RBM27: variants seen among roughly 807,000 people sequenced by gnomAD.
RBM27 encodes the protein RNA binding motif protein 27.
Under a neutral mutation model 135.3 loss-of-function variants are expected in RBM27, and 22 were observed. The ratio of observed to expected loss-of-function variants is 0.16; its 90% CI spans 0.12 to 0.23. RBM27 has a LOEUF of 0.23. RBM27 is among the 10% of genes least tolerant of loss of function. RBM27 has a pLI of 1.00. For missense variants in RBM27, 1,009 were observed against 1,281.0 expected (o/e 0.79, Z 3.24); for synonymous variants, 481 against 442.4 (o/e 1.09, Z -1.10).
chr5:146,258,039 G>A (rs1426331366), intron 10 of RBM27, among the ~76,000 whole-genome samples: 3 of 151,924 alleles, frequency 2.0e-5, no homozygotes, highest in East Asian at 1.9e-4. Context: ...GGCTGGTCTC[G>A]AACTCCCGAC....
intron 1 of RBM27, among the ~76,000 whole-genome samples, chr5:146,211,592 C>G (rs1203252707): frequency 6.7e-6 from 1 of 148,194 alleles, no homozygotes; most frequent in Non-Finnish European, 1.5e-5. Context: ...AGCTATTATC[C>G]TGCCTCAGCC....
chr5:146,215,618 T>G (rs1031689882), intron 1 of RBM27, among the ~76,000 whole-genome samples: 1 of 152,200 alleles, frequency 6.6e-6, no homozygotes, highest in Non-Finnish European at 1.5e-5. Flanking sequence ...TTTTTTCCCC[T>G]TCTCTCCTCC....
At chr5:146,257,907 C>T (rs1463957926) in intron 10 of RBM27, among the ~76,000 whole-genome samples, 2 of 152,002 alleles carry the variant, frequency 1.3e-5, no homozygotes, top group African/African-American at 4.8e-5. Flanking sequence ...ACCTCCGTCT[C>T]CTGGGTTCAA....
chr5:146,251,579 C>T, intron 8 of RBM27, 132 bp from the exon 9 acceptor site: 1 of 809,436 alleles, frequency 1.2e-6, no homozygotes, highest in Non-Finnish European at 1.9e-6. Context: ...ATCCCAGGAA[C>T]ATCTTTCTGT....
At chr5:146,278,128 A>T (rs547511687) in intron 19 of RBM27, among the ~76,000 whole-genome samples, 13 of 152,254 alleles carry the variant, frequency 8.5e-5, no homozygotes, top group African/African-American at 3.1e-4. Flanking sequence ...TCATTCCCTC[A>T]TATAGCACTT....
chr5:146,240,065 C>G (rs1157134923), intron 8 of RBM27, among the ~76,000 whole-genome samples: 1 of 152,148 alleles, frequency 6.6e-6, no homozygotes, highest in African/African-American at 2.4e-5. Context: ...GCGTGAGCCA[C>G]TGTTCCTGGC....
chr5:146,242,393 G>T (rs1757442132), intron 8 of RBM27, among the ~76,000 whole-genome samples: 1 of 152,180 alleles, frequency 6.6e-6, no homozygotes, highest in Admixed American at 6.5e-5. Flanking sequence ...GATTTGATTG[G>T]TTGGCAACTG....
At chr5:146,283,567 A>G (rs1368323707) in intron 19 of RBM27, among the ~76,000 whole-genome samples, 2 of 152,176 alleles carry the variant, frequency 1.3e-5, no homozygotes, top group South Asian at 2.1e-4. Context: ...ACATATCTAT[A>G]TTTGGTAGGG....
At chr5:146,262,535 A>G (rs1289688256) in intron 13 of RBM27, among the ~76,000 whole-genome samples, 1 of 152,256 alleles carries the variant, frequency 6.6e-6, no homozygotes, top group East Asian at 1.9e-4. Flanking sequence ...AGAGCCATTC[A>G]GAGATTGACC....
intron 20 of RBM27, among the ~76,000 whole-genome samples, 199 bp downstream of exon 20, chr5:146,284,931 A>T (rs1275337113): frequency 6.6e-6 from 1 of 152,156 alleles, no homozygotes; most frequent in Non-Finnish European, 1.5e-5. Context: ...TTTTCTTCTG[A>T]TATAGGAAAG....
chr5:146,252,865 T>A (rs1173712989), intron 9 of RBM27, among the ~76,000 whole-genome samples: 1 of 152,156 alleles, frequency 6.6e-6, no homozygotes, highest in Non-Finnish European at 1.5e-5. Context: ...GACAAAAAAT[T>A]TATAAAGAGA....
In RBM27 at chr5:146,267,702, G is replaced by A; in HGVS notation, c.2385G>A (p.Lys795=). ...PKMIYSSSNL[K]TPSKLCSGSK... ...TGATTTACAGCTCCTCAAACTTAAA[G>A]ACACCTTCAAAGCTCTGTTCAGGGT... Residue 795 remains lysine, a synonymous_variant, in exon 15 of 21, where the codon AAG becomes AAA. Coordinates refer to ENST00000265271, the MANE Select transcript of RBM27 (RefSeq NM_018989.2). The A allele has an allele frequency of 6.2e-7, 1 of 1,603,570 alleles. No homozygotes were observed. Among genetic ancestry groups the A allele is most frequent in the Non-Finnish European group, 8.5e-7 (1 of 1,174,486 alleles).
chr5:146,230,012 A>C, intron 5 of RBM27, 102 bp downstream of exon 5: 1 of 1,354,494 alleles, frequency 7.4e-7, no homozygotes, highest in Non-Finnish European at 1.0e-6. Flanking sequence ...AATATGTCTG[A>C]GCAGTGTAAA....
chr5:146,267,884 A>T lies in RBM27; in HGVS notation c.2451+116A>T, dbSNP rs1758685392. On this transcript the variant is annotated intron_variant, in intron 15 of 20. Coordinates refer to ENST00000265271, the MANE Select transcript of RBM27 (RefSeq NM_018989.2). Reference sequence around the variant, plus strand: ...GGCAGGGCATAACATCATAATGCTTATTTAGCTTCTTCTCTAATGTAAACT... The same window carrying T: ...GGCAGGGCATAACATCATAATGCTTTTTTAGCTTCTTCTCTAATGTAAACT... 6 of 1,028,170 alleles carry T rather than the reference A, an allele frequency of 5.8e-6. No individual in the cohort carries two copies. The South Asian group carries it at 9.8e-5, about 17-fold the overall frequency. The allele number at this position is 1,028,170 out of a possible 1,614,324, so 63.7% of individuals were successfully genotyped here. A position where few individuals can be genotyped will look rare whatever the true frequency, so the allele number is the denominator to read the frequency against.
chr5:146,217,633 T>G (rs1756271170), intron 1 of RBM27, among the ~76,000 whole-genome samples: 1 of 151,858 alleles, frequency 6.6e-6, no homozygotes, highest in African/African-American at 2.4e-5. Context: ...TTCTGGCTGC[T>G]AGTGAAGGCC....
chr5:146,257,116 A>G (rs1385284108), intron 10 of RBM27, among the ~76,000 whole-genome samples: 1 of 152,234 alleles, frequency 6.6e-6, no homozygotes, highest in African/African-American at 2.4e-5. Flanking sequence ...GCTGTAAAAT[A>G]GCTAAACGTT....
chr5:146,256,423 C>A (rs1758105946), intron 10 of RBM27, among the ~76,000 whole-genome samples: 1 of 150,740 alleles, frequency 6.6e-6, no homozygotes, highest in African/African-American at 2.4e-5. Context: ...GATCTCGGCT[C>A]ACTGCAACCT....
At chr5:146,258,735 G>A (rs1431818725) in intron 11 of RBM27, 142 bp downstream of exon 11, 1 of 671,426 alleles carries the variant, frequency 1.5e-6, no homozygotes, top group African/African-American at 1.9e-5. Context: ...TCTTTAGAAT[G>A]TTGTAAAAAT....
At chr5:146,218,131 A>G (rs1435826954) in intron 1 of RBM27, among the ~76,000 whole-genome samples, 2 of 148,786 alleles carry the variant, frequency 1.3e-5, no homozygotes, top group Admixed American at 7.0e-5. Context: ...CAGGAAGCCT[A>G]GAATATTTTA....
Sources: gnomAD v4.1 joint callset for allele counts (sites outside exome capture counted in the v4.1 genomes callset) on GRCh38, gnomAD v4.1.1 for gene constraint, MANE v1.5 for transcripts, NCBI Gene and HGNC (gene_info 2026-07-23, HGNC 2026-07-21) for gene names.